The following CACNA1E variants were observed in gnomAD, a reference collection of about 807,000 sequenced individuals.
The protein encoded by CACNA1E is voltage-dependent R-type calcium channel subunit alpha-1E.
Under a neutral mutation model 259.2 loss-of-function variants are expected in CACNA1E, and 40 were observed. The ratio of observed to expected loss-of-function variants is 0.15; its 90% confidence interval spans 0.12 to 0.20. CACNA1E has a LOEUF of 0.20. Ranked by LOEUF, CACNA1E falls within the 10% of genes least tolerant of loss-of-function variation. The pLI is 1.00. For synonymous variants in CACNA1E, 1,104 were observed against 1,138.5 expected, an observed-to-expected ratio of 0.97 and a Z score of 0.61; for missense variants, 1,874 against 3,040.1, an observed-to-expected ratio of 0.62 and a Z score of 9.02.
At chr1:181,698,584 A>G (rs1469216458) in intron 7 of CACNA1E, among the ~76,000 whole-genome samples, 2 of 152,152 alleles carry the variant, frequency 1.3e-5, no homozygotes, top group Non-Finnish European at 2.9e-5. Flanking sequence ...ATCGTCTTTC[A>G]TGGCATTTTG....
chr1:181,321,488 G>A (rs188448380), intron 1 of CACNA1E, among the ~76,000 whole-genome samples: 16 of 152,338 alleles, frequency 1.1e-4, no homozygotes, highest in African/African-American at 3.4e-4. Context: ...GAATCCAGTT[G>A]TCTCAGAGAC....
At chr1:181,607,075 G>A (rs1654305678) in intron 6 of CACNA1E, among the ~76,000 whole-genome samples, 2 of 152,188 alleles carry the variant, frequency 1.3e-5, no homozygotes, top group South Asian at 2.1e-4. Flanking sequence ...CATGAGAGCA[G>A]GGCCATGTCT....
intron 2 of CACNA1E, among the ~76,000 whole-genome samples, chr1:181,453,263 A>G (rs1402200091): frequency 6.6e-6 from 1 of 152,224 alleles, no homozygotes; most frequent in Non-Finnish European, 1.5e-5. Context: ...CTAATCATAC[A>G]GTGACATTAC....
rs1170353831 is a variant in CACNA1E, at chr1:181,758,919, G to T, written c.4605+51G>T. The T allele has an allele frequency of 9.9e-7, 1 of 1,013,570 alleles. No individual in the cohort carries two copies. The highest frequency in any genetic ancestry group is 1.5e-6 in the Non-Finnish European group (1 of 648,470). 62.8% of individuals were successfully genotyped at this position (1,013,570 alleles called of 1,614,324 possible). A position where few individuals can be genotyped will look rare whatever the true frequency, so the allele number is the denominator to read the frequency against. ...CTGGGCTTGTCTCTTTCTGTTGGGTGCCTTCCCAGTCTTTGTTGAAGGGGA... is the reference window on the plus strand; with the variant it reads ...CTGGGCTTGTCTCTTTCTGTTGGGTTCCTTCCCAGTCTTTGTTGAAGGGGA... On this transcript the variant is annotated intron_variant, in intron 32 of 47. Coordinates refer to ENST00000367573, the MANE Select transcript of CACNA1E (RefSeq NM_001205293.3). This position sits in a 1 kb window ranked among gnomAD's most constrained non-coding sequence, Gnocchi z 4.2.
At chr1:181,759,399 G>C (rs1182054037) in intron 32 of CACNA1E, among the ~76,000 whole-genome samples, 1 of 150,876 alleles carries the variant, frequency 6.6e-6, no homozygotes, top group Non-Finnish European at 1.5e-5. Flanking sequence ...GTGTGTCTGT[G>C]TGTGTGTGTG....
chr1:181,663,424 G>A (rs1010343846), intron 7 of CACNA1E, among the ~76,000 whole-genome samples: 1 of 152,206 alleles, frequency 6.6e-6, no homozygotes. Context: ...AGTCACAGAT[G>A]TCTCTGTCAC....
intron 1 of CACNA1E, among the ~76,000 whole-genome samples, chr1:181,375,449 C>A (rs1236748711): frequency 6.6e-6 from 1 of 152,194 alleles, no homozygotes; most frequent in African/African-American, 2.4e-5. Flanking sequence ...CTGATAGAGT[C>A]TGCTAAGAGG....
At chr1:181,513,583 T>A (rs1019558228) in intron 3 of CACNA1E, among the ~76,000 whole-genome samples, 46 of 152,198 alleles carry the variant, frequency 3.0e-4, no homozygotes, top group African/African-American at 1.1e-3. Context: ...ATACGGCTGT[T>A]CTGGTGTGGG....
At chr1:181,572,331 A>G (rs1999839) in intron 3 of CACNA1E, among the ~76,000 whole-genome samples, 56,911 of 152,094 alleles carry the variant, frequency 0.37, 10,845 homozygotes, top group Admixed American at 0.47. Context: ...CTATGGCCAC[A>G]ATGAGAAAGA....
At chr1:181,373,598 C>A (rs192828666) in intron 1 of CACNA1E, among the ~76,000 whole-genome samples, 1 of 143,534 alleles carries the variant, frequency 7.0e-6, no homozygotes, top group Non-Finnish European at 1.5e-5. Flanking sequence ...AGTGCAGTGG[C>A]GCAATCTCGG....
intron 16 of CACNA1E, among the ~76,000 whole-genome samples, chr1:181,724,184 G>T (rs1654672509): frequency 6.6e-6 from 1 of 152,142 alleles, no homozygotes; most frequent in Non-Finnish European, 1.5e-5. Context: ...TCACAGTATC[G>T]TAATTTTCCT....
intron 7 of CACNA1E, among the ~76,000 whole-genome samples, chr1:181,672,798 C>A (rs1275970591): frequency 1.3e-5 from 2 of 152,202 alleles, no homozygotes; most frequent in African/African-American, 4.8e-5. Flanking sequence ...CAAACCTGGT[C>A]AAGGTTTTCT....
At chr1:181,381,343 A>T (rs1317923494) in intron 1 of CACNA1E, among the ~76,000 whole-genome samples, 1 of 152,222 alleles carries the variant, frequency 6.6e-6, no homozygotes, top group Admixed American at 6.5e-5. Context: ...TATTGATATG[A>T]GCTACAACAT....
chr1:181,343,565 G>A (rs191517347), intron 1 of CACNA1E, among the ~76,000 whole-genome samples: 1 of 152,270 alleles, frequency 6.6e-6, no homozygotes, highest in East Asian at 1.9e-4. Context: ...CAGGTACAGG[G>A]TGCAGAATCA....
intron 1 of CACNA1E, among the ~76,000 whole-genome samples, chr1:181,344,119 T>C (rs1173351121): frequency 6.6e-6 from 1 of 152,174 alleles, no homozygotes; most frequent in Non-Finnish European, 1.5e-5. Context: ...TCCTGTTAGC[T>C]AGCAGTCACC....
chr1:181,505,176 G>T (rs1186196368), intron 1 of CACNA1E, among the ~76,000 whole-genome samples: 1 of 152,094 alleles, frequency 6.6e-6, no homozygotes. Flanking sequence ...ATGGGTTTTT[G>T]TGTTGATTTG....
chr1:181,336,040 T>A (rs775700073), intron 1 of CACNA1E, among the ~76,000 whole-genome samples: 1 of 152,256 alleles, frequency 6.6e-6, no homozygotes, highest in Non-Finnish European at 1.5e-5. Context: ...ACAGGTCTAA[T>A]CAATAGAACT....
At chr1:181,404,808 G>T (rs1419010505) in intron 1 of CACNA1E, among the ~76,000 whole-genome samples, 1 of 152,236 alleles carries the variant, frequency 6.6e-6, no homozygotes, top group Non-Finnish European at 1.5e-5. Flanking sequence ...ACCAGAAGGG[G>T]CCAGGCCTGG....
chr1:181,766,434 T>C, intron 34 of CACNA1E, 112 bp from the exon 35 acceptor site: 2 of 734,890 alleles, frequency 2.7e-6, no homozygotes, highest in Non-Finnish European at 4.9e-6. Flanking sequence ...GGAGTCCCAG[T>C]CTGTGTTTGC....
Sources: allele counts gnomAD v4.1 joint callset (sites outside exome capture counted in the v4.1 genomes callset), GRCh38; gene constraint gnomAD v4.1.1; non-coding constraint Gnocchi (gnomAD v3.1); transcripts MANE v1.5; gene names NCBI Gene and HGNC (gene_info 2026-07-23, HGNC 2026-07-21).